GFAP: variants seen among roughly 807,000 people sequenced by gnomAD.
The protein encoded by GFAP is glial fibrillary acidic protein.
A neutral mutation model predicts 49.3 loss-of-function variants in GFAP; 38 were observed. That is an observed-to-expected ratio of 0.77 (90% CI 0.60 to 1.01). The LOEUF is 1.01. Among genes scored for constraint, GFAP ranks in the 50% least tolerant of loss-of-function variants. The probability of loss-of-function intolerance (pLI) is 0.00; values close to 1 mark genes in which losing one functional copy is unlikely to be tolerated. For missense variants in GFAP, 463 were observed against 579.1 expected, an observed-to-expected ratio of 0.80 and a Z score of 2.06; for synonymous variants, 222 against 236.4, an observed-to-expected ratio of 0.94 and a Z score of 0.56.
In GFAP at chr17:44,907,266, G is replaced by A; in HGVS notation, c.*81C>T. On this transcript the variant is annotated 3_prime_UTR_variant, in exon 9 of 9. Transcript: ENST00000588735. ...GGGGAGCTCAGGTCTGGGGAAATGT[G>A]CCAGCAGAGGCGGAGCAACTATCCT... is the stretch of plus-strand genomic sequence containing the variant. The A allele has an allele frequency of 7.6e-7, 1 of 1,318,170 alleles. No homozygotes were observed. Among genetic ancestry groups the A allele is most frequent in the Non-Finnish European group, 1.1e-6 (1 of 911,160 alleles). 81.7% of individuals were successfully genotyped at this position (1,318,170 alleles called of 1,614,324 possible).
At chr17:44,912,177 T>A (rs1002109636) in intron 4 of GFAP, among the ~76,000 whole-genome samples, 1 of 151,954 alleles carries the variant, frequency 6.6e-6, no homozygotes, top group Admixed American at 6.6e-5. Context: ...AGGTTGGAAG[T>A]CAGTGGCACA....
chr17:44,913,577 G>A (rs770138978), intron 3 of GFAP, 147 bp from the exon 4 acceptor site: 2 of 1,087,912 alleles, frequency 1.8e-6, no homozygotes, highest in African/African-American at 1.5e-5. Flanking sequence ...GTGTCTTTCT[G>A]TTTGTCTTTC....
chr17:44,911,666 G>C lies in GFAP; in HGVS notation c.906+6C>G, dbSNP rs1279879602. 1.9e-6 allele frequency: 3 copies of C among 1,611,938 alleles called. No individual in the cohort carries two copies. Among genetic ancestry groups the C allele is most frequent in the Non-Finnish European group, 2.5e-6 (3 of 1,179,832 alleles). Reference sequence around the variant, plus strand: ...CCCGTCCCCGTCCTGCCCTGGCCGCGCTCACCGTGCCGCGCAGAGACTCCA... The same window carrying C: ...CCCGTCCCCGTCCTGCCCTGGCCGCCCTCACCGTGCCGCGCAGAGACTCCA... On this transcript the variant is annotated splice_donor_region_variant and intron_variant, in intron 5 of 8. Coordinates refer to ENST00000588735, the MANE Select transcript of GFAP (RefSeq NM_002055.5).
intron 4 of GFAP, 38 bp from the exon 5 acceptor site, chr17:44,911,835 A>C: frequency 1.3e-6 from 2 of 1,596,142 alleles, no homozygotes; most frequent in Non-Finnish European, 1.7e-6. Flanking sequence ...GTGTGGGCCC[A>C]TGGGCAGGCA....
At position 44,913,717 on chromosome 17, in the gene GFAP, C is replaced by T. The variant is rs765124048; in HGVS notation, c.618+11G>A. ...CTGTGTTGAGCTTTCCTCCCTCTGC[C>T]CTGGCCTCACCTCCTCGTGGATCTT... On this transcript the variant is annotated intron_variant, in intron 3 of 8. Transcript: ENST00000588735. 1.3e-6 allele frequency: 2 copies of T among 1,597,800 alleles called. No homozygotes were observed. Among genetic ancestry groups the T allele is most frequent in the Non-Finnish European group, 1.7e-6 (2 of 1,165,062 alleles).
intron 6 of GFAP, 130 bp from the exon 7 acceptor site, chr17:44,910,788 G>C: frequency 8.1e-6 from 11 of 1,366,440 alleles, no homozygotes; most frequent in Non-Finnish European, 1.0e-5. Context: ...CCATCTCCTA[G>C]CTTTTTCCCC....
In GFAP at chr17:44,911,471, C is replaced by G. The variant is rs1237680850; in HGVS notation, c.907-15G>C. ...AGGGACTCGTTCTGTGGGATGGAGC[C>G]GGCCGGTCCCGCGGAGCCCCGACCC... is the stretch of plus-strand genomic sequence containing the variant. On this transcript the variant is annotated splice_polypyrimidine_tract_variant and intron_variant, in intron 5 of 8. Coordinates refer to ENST00000588735, the MANE Select transcript of GFAP (RefSeq NM_002055.5). The G allele has an allele frequency of 6.3e-7, 1 of 1,589,644 alleles. No homozygotes were observed. Among genetic ancestry groups the G allele is most frequent in the Non-Finnish European group, 8.6e-7 (1 of 1,168,806 alleles).
At position 44,903,640 on chromosome 17, in the gene GFAP, A is replaced by G; in HGVS notation, c.*3707T>C. 2.8e-6 allele frequency: 4 copies of G among 1,431,566 alleles called. No homozygotes were observed. Among genetic ancestry groups the G allele is most frequent in the Non-Finnish European group, 3.6e-6 (4 of 1,099,020 alleles). The allele number at this position is 1,431,566 out of a possible 1,614,324, so 88.7% of individuals were successfully genotyped here. A position where few individuals can be genotyped will look rare whatever the true frequency, so the allele number is the denominator to read the frequency against. ...ATCAGGTCTGGAATGTTAGAAGGGC[A>G]TCTTGTACATCCACTGGGAATAAAT... On this transcript the variant is annotated 3_prime_UTR_variant, in exon 9 of 9. Transcript: ENST00000588735.
intron 5 of GFAP, 65 bp downstream of exon 5, chr17:44,911,607 C>A: frequency 6.3e-7 from 1 of 1,598,246 alleles, no homozygotes; most frequent in Admixed American, 1.7e-5. Flanking sequence ...GCCCTTCTCC[C>A]CTGGCATCTC....
At position 44,913,256 on chromosome 17, in the gene GFAP, C is replaced by T. The variant is rs924952263; in HGVS notation, c.780+13G>A. The T allele has an allele frequency of 1.9e-6, 3 of 1,613,634 alleles. No individual in the cohort carries two copies. In the African/African-American group the frequency reaches 4.0e-5, roughly 22 times the overall value. On this transcript the variant is annotated intron_variant, in intron 4 of 8. Coordinates refer to ENST00000588735, the MANE Select transcript of GFAP (RefSeq NM_002055.5). The stretch of plus-strand genomic sequence containing the variant: ...TGCCTGGAGGAGGCAGGCTGGCCCA[C>T]AGGCAGGGCTACCTTGGAGCGGTAC...
At position 44,907,024 on chromosome 17, in the gene GFAP, G is replaced by C; in HGVS notation, c.*323C>G. ...AATCAGGGATGTGGAGGGCGATGTA[G>C]TAGGTGCCCCCCGCCCTCCTCCCCT... On this transcript the variant is annotated 3_prime_UTR_variant, in exon 9 of 9. Coordinates refer to ENST00000588735, the MANE Select transcript of GFAP (RefSeq NM_002055.5). The C allele has an allele frequency of 2.1e-6, 1 of 465,224 alleles. No homozygotes were observed. The highest frequency in any genetic ancestry group is 4.0e-6 in the Non-Finnish European group (1 of 250,776). 28.8% of individuals were successfully genotyped at this position (465,224 alleles called of 1,614,324 possible).
chr17:44,910,114 G>T lies in GFAP; in HGVS notation c.1171+501C>A, dbSNP rs12941832. The T allele has an allele frequency of 0.12, 186,242 of 1,613,516 alleles. 11,431 individuals carry two copies. The highest frequency in any genetic ancestry group is 0.22 in the East Asian group (9,719 of 44,850). ...CACTCCCTGTCAAGCTGGGCAAAGC[G>T]CCGTGTCTGAGAGGCAGGCAGCTAA... is the stretch of plus-strand genomic sequence containing the variant. On this transcript the variant is annotated intron_variant, in intron 7 of 8. Transcript: ENST00000588735.
At chr17:44,907,656 A>C in intron 8 of GFAP, 2 of 585,048 alleles carry the variant, frequency 3.4e-6, no homozygotes, top group Non-Finnish European at 6.1e-6. Flanking sequence ...GGATACGCCA[A>C]ATCCCCTCTT....
At chr17:44,910,214 A>G (rs1597855928) in intron 7 of GFAP, 4 of 1,613,892 alleles carry the variant, frequency 2.5e-6, no homozygotes, top group Non-Finnish European at 2.5e-6. Flanking sequence ...GGCTTTTGAG[A>G]TATCTTGTGA....
At position 44,910,666 on chromosome 17, in the gene GFAP, A is replaced by T; in HGVS notation, c.1128-8T>A. On this transcript the variant is annotated splice_polypyrimidine_tract_variant and splice_region_variant and intron_variant, in intron 6 of 8. Transcript: ENST00000588735. ...TGCACGGGAATGGTGATCCTGAAAG[A>T]AAGCAGAGGGAGAGGGCTGCCCGGG... The T allele has an allele frequency of 6.3e-7, 1 of 1,586,142 alleles. No individual in the cohort carries two copies. Among genetic ancestry groups the T allele is most frequent in the Non-Finnish European group, 8.6e-7 (1 of 1,166,262 alleles).
chr17:44,910,155 G>T, intron 7 of GFAP: 1 of 1,613,770 alleles, frequency 6.2e-7, no homozygotes, highest in Non-Finnish European at 8.5e-7. Context: ...AGCCGGCGGC[G>T]TTCCATTTAC....
At chr17:44,911,635 G>A (rs1167053421) in intron 5 of GFAP, 37 bp downstream of exon 5, 2 of 1,606,272 alleles carry the variant, frequency 1.2e-6, no homozygotes, top group Non-Finnish European at 8.5e-7. Context: ...GGCCGTCCCT[G>A]CTCCGCCCGT....
rs2051640906 is a variant in GFAP at position 44,905,479 on chromosome 17, G to A, written c.*1868C>T. On this transcript the variant is annotated 3_prime_UTR_variant, in exon 9 of 9. Transcript: ENST00000588735. Reference sequence around the variant, plus strand: ...AGGAAGGAAGAAAAGAGTGGAGGGAGCTGGTGTATGTCCTCTTTGGCTGCG... The same window carrying A: ...AGGAAGGAAGAAAAGAGTGGAGGGAACTGGTGTATGTCCTCTTTGGCTGCG... 5.0e-6 allele frequency: 1 copy of A among 199,744 alleles called. No homozygotes were observed. 12.4% of individuals were successfully genotyped at this position (199,744 alleles called of 1,614,324 possible). A position where few individuals can be genotyped will look rare whatever the true frequency, so the allele number is the denominator to read the frequency against.
In GFAP at chr17:44,915,043, C is replaced by T; in HGVS notation, c.444G>A (p.Leu148=). ...CTCCTCACTTCTGCCTCACAGTGGC[C>T]AGGTCCTGTGCCAGATTGTCCCTCT... ...EVERDNLAQD[L]ATVRQKLQDE... The change falls in exon 1 of 9, where the codon CTG becomes CTA. Residue 148 remains leucine (L), a synonymous_variant. Transcript: ENST00000588735. The surrounding 1 kb of genome is among the most constrained non-coding windows in gnomAD (Gnocchi z 4.1). 6.2e-7 allele frequency: 1 copy of T among 1,611,698 alleles called. No individual in the cohort carries two copies. The highest frequency in any genetic ancestry group is 8.5e-7 in the Non-Finnish European group (1 of 1,179,710).
Sources: allele counts gnomAD v4.1 joint callset (sites outside exome capture counted in the v4.1 genomes callset), GRCh38; gene constraint gnomAD v4.1.1; non-coding constraint Gnocchi (gnomAD v3.1); transcripts MANE v1.5; gene names NCBI Gene and HGNC (gene_info 2026-07-23, HGNC 2026-07-21).